The following PCGF1 variants were observed in gnomAD, a reference collection of about 807,000 sequenced individuals.
PCGF1 encodes polycomb group RING finger protein 1.
Under a neutral mutation model 38.8 loss-of-function variants are expected in PCGF1, and 10 were observed. That is an observed-to-expected ratio of 0.26 (90% CI 0.16 to 0.44). PCGF1 has a LOEUF of 0.44. PCGF1 is among the 20% of genes least tolerant of loss of function. PCGF1 has a pLI of 1.00. For synonymous variants in PCGF1, 119 were observed against 121.3 expected (o/e 0.98, Z 0.12); for missense variants, 230 against 331.5 (o/e 0.69, Z 2.38).
Position 74,506,600 on chromosome 2 carries a change from C to T in PCGF1, c.352+132G>A, listed in dbSNP as rs1457198195. On this transcript the variant is annotated intron_variant, in intron 3 of 8. Transcript: ENST00000233630. ...AAGAAAAAAAAGAATAAAGTATTAGCCCTTCCTCACTTTTTGTCCTTCCCT... is the reference window on the plus strand; with the variant it reads ...AAGAAAAAAAAGAATAAAGTATTAGTCCTTCCTCACTTTTTGTCCTTCCCT... 6 of 1,002,636 alleles carry T rather than the reference C, an allele frequency of 6.0e-6. No individual in the cohort carries two copies. The Admixed American group carries it at 6.2e-5, about 10-fold the overall frequency. 62.1% of individuals were successfully genotyped at this position (1,002,636 alleles called of 1,614,324 possible).
In PCGF1 at chr2:74,505,166, T is replaced by C. The variant is rs1293558570; in HGVS notation, c.757A>G (p.Ser253Gly). The C allele has an allele frequency of 1.3e-6, 2 of 1,537,434 alleles. No individual in the cohort carries two copies. Among genetic ancestry groups the C allele is most frequent in the Non-Finnish European group, 1.8e-6 (2 of 1,142,084 alleles). ...CCCTACCTCCTCTTCTCTTTCACAC[T>C]GTATTGTAAAAGCAAAGGGGATGGC... ...GKPSPLLLQY[S>G]VKEKRR Residue 253 changes from serine to glycine, a missense_variant, in exon 9 of 9, where the codon AGT becomes GGT. Around this residue, in one of 3 missense-constraint regions of PCGF1, gnomAD observed 144 missense variants for 182.4 expected, o/e 0.79. Coordinates refer to ENST00000233630, the MANE Select transcript of PCGF1 (RefSeq NM_032673.3).
chr2:74,505,782 T>C lies in PCGF1; in HGVS notation c.531-12A>G, dbSNP rs774298527. On this transcript the variant is annotated splice_polypyrimidine_tract_variant and intron_variant, in intron 5 of 8. Coordinates refer to ENST00000233630, the MANE Select transcript of PCGF1 (RefSeq NM_032673.3). ...TGTCTTTGCCAGAACTGGGGGGAAATAGACACAGGTTAGGGAATCCTATCT... is the reference window on the plus strand; with the variant it reads ...TGTCTTTGCCAGAACTGGGGGGAAACAGACACAGGTTAGGGAATCCTATCT... The C allele has an allele frequency of 1.3e-4, 212 of 1,613,870 alleles. No homozygotes were observed. Among genetic ancestry groups the C allele is most frequent in the Non-Finnish European group, 1.6e-4 (187 of 1,179,960 alleles).
chr2:74,507,324 G>A lies in PCGF1; in HGVS notation c.94-177C>T, dbSNP rs958536611. The A allele has an allele frequency of 4.8e-6, 7 of 1,457,824 alleles. No homozygotes were observed. The Admixed American group carries it at 1.5e-4, about 31-fold the overall frequency. 90.3% of individuals were successfully genotyped at this position (1,457,824 alleles called of 1,614,324 possible). ...CCCCCTCCGCCCAGCAGAGGGCTCCGCGCACAGCGGGGGCTTCCCTCACGT... is the reference window on the plus strand; with the variant it reads ...CCCCCTCCGCCCAGCAGAGGGCTCCACGCACAGCGGGGGCTTCCCTCACGT... On this transcript the variant is annotated intron_variant, in intron 1 of 8. Coordinates refer to ENST00000233630, the MANE Select transcript of PCGF1 (RefSeq NM_032673.3).
Position 74,506,016 on chromosome 2 carries a change from C to A in PCGF1, c.466G>T (p.Asp156Tyr). Residue 156 changes from aspartate to tyrosine, a missense_variant, in exon 5 of 9, where the codon GAC (aspartate) becomes TAC (tyrosine). Asp to Tyr is a radical substitution (Grantham distance 160). This residue lies in a region of PCGF1 where 144 missense variants were observed against 182.4 expected (regional missense o/e 0.79). Transcript: ENST00000233630. ...SNLGLPFSSF[D>Y]HSKAHYYRYD... is the part of the protein sequence containing the mutation. ...CGATAGTAGTGGGCTTTAGAGTGGT[C>A]AAAGCTGCTGAAGGGGAGGCCGAGG... 6.2e-7 allele frequency: 1 copy of A among 1,614,174 alleles called. No individual in the cohort carries two copies. Among genetic ancestry groups the A allele is most frequent in the South Asian group, 1.1e-5 (1 of 91,052 alleles).
At chr2:74,505,481 C>A in intron 7 of PCGF1, 62 bp from the exon 8 acceptor site, 1 of 1,608,588 alleles carries the variant, frequency 6.2e-7, no homozygotes, top group South Asian at 1.1e-5. Context: ...CTACCCTGGT[C>A]CACCCTAGAC....
chr2:74,507,162 T>C lies in PCGF1; in HGVS notation c.94-15A>G. The C allele has an allele frequency of 6.2e-7, 1 of 1,610,970 alleles. No homozygotes were observed. The highest frequency in any genetic ancestry group is 8.5e-7 in the Non-Finnish European group (1 of 1,177,534). On this transcript the variant is annotated splice_polypyrimidine_tract_variant and intron_variant, in intron 1 of 8. Coordinates refer to ENST00000233630, the MANE Select transcript of PCGF1 (RefSeq NM_032673.3). ...CGAACCTCCTCCTGAAGATACACCCTCCGTCACCAATCATCCACCCTCAAA... is the reference window on the plus strand; with the variant it reads ...CGAACCTCCTCCTGAAGATACACCCCCCGTCACCAATCATCCACCCTCAAA...
chr2:74,507,261 C>A, intron 1 of PCGF1, 114 bp from the exon 2 acceptor site: 1 of 1,479,662 alleles, frequency 6.8e-7, no homozygotes. Context: ...CCGCGCCCTG[C>A]GCCATCAGCC....
At position 74,507,627 on chromosome 2, in the gene PCGF1, C is replaced by G; in HGVS notation, c.42G>C (p.Arg14Ser). The G allele has an allele frequency of 6.3e-7, 1 of 1,582,842 alleles. No individual in the cohort carries two copies. Among genetic ancestry groups the G allele is most frequent in the Non-Finnish European group, 8.6e-7 (1 of 1,164,930 alleles). Reference protein sequence around the residue: ...PQGGQIAIAMRLRNQLQSVYK... With the variant: ...PQGGQIAIAMSLRNQLQSVYK... ...ACACTGACTGGAGCTGGTTCCGAAG[C>G]CTCATCGCGATCGCAATCTGGCCCC... Residue 14 changes from arginine to serine, a missense_variant, in exon 1 of 9, where the codon AGG becomes AGC. Arg to Ser is a moderately radical substitution (Grantham distance 110). Around this residue, in one of 3 missense-constraint regions of PCGF1, gnomAD observed 46 missense variants for 35.9 expected, o/e 1.28. Transcript: ENST00000233630.
At chr2:74,507,222 C>G in intron 1 of PCGF1, 75 bp from the exon 2 acceptor site, 1 of 1,529,690 alleles carries the variant, frequency 6.5e-7, no homozygotes, top group Non-Finnish European at 8.9e-7. Flanking sequence ...TTGGGGGTCG[C>G]CTCCTTCATC....
rs1471440250 is a variant in PCGF1, at chr2:74,507,401, C to A, written c.93+175G>T. On this transcript the variant is annotated intron_variant, in intron 1 of 8. Transcript: ENST00000233630. ...GGGAGACTACACAACGTCGGCGACA[C>A]AACGCGCAGGCGTCCTAACCGGAGT... 6.9e-6 allele frequency: 10 copies of A among 1,454,670 alleles called. No individual in the cohort carries two copies. The East Asian group carries it at 2.5e-4, about 36-fold the overall frequency. 90.1% of individuals were successfully genotyped at this position (1,454,670 alleles called of 1,614,324 possible).
At position 74,507,652 on chromosome 2, in the gene PCGF1, C is replaced by A. The variant is rs1424550469; in HGVS notation, c.17G>T (p.Gly6Val). The change falls in exon 1 of 9, where the codon GGG becomes GTG. Residue 6 changes from glycine (G) to valine (V), a missense_variant. Transcript: ENST00000233630. MASPQ[G>V]GQIAIAMRLR... ...CCTCATCGCGATCGCAATCTGGCCC[C>A]CCTGAGGAGACGCCATCTTAAAGGC... The A allele has an allele frequency of 6.4e-7, 1 of 1,565,662 alleles. No homozygotes were observed. Among genetic ancestry groups the A allele is most frequent in the Admixed American group, 1.9e-5 (1 of 52,800 alleles).
At position 74,507,651 on chromosome 2, in the gene PCGF1, C is replaced by A. The variant is rs915177881; in HGVS notation, c.18G>T (p.Gly6=). 4 of 1,566,238 alleles carry A rather than the reference C, an allele frequency of 2.6e-6. No individual in the cohort carries two copies. Among genetic ancestry groups the A allele is most frequent in the African/African-American group, 1.4e-5 (1 of 73,438 alleles). The change falls in exon 1 of 9, where the codon GGG becomes GGT. Residue 6 remains glycine, a synonymous_variant. Transcript: ENST00000233630. MASPQ[G]GQIAIAMRLR... Reference sequence around the variant, plus strand: ...GCCTCATCGCGATCGCAATCTGGCCCCCCTGAGGAGACGCCATCTTAAAGG... The same window carrying A: ...GCCTCATCGCGATCGCAATCTGGCCACCCTGAGGAGACGCCATCTTAAAGG...
chr2:74,506,509 T>A (rs1448272241), intron 3 of PCGF1: 1 of 622,124 alleles, frequency 1.6e-6, no homozygotes, highest in African/African-American at 1.8e-5. Context: ...ATCCAGGAGG[T>A]GGAGCTTGCA....
chr2:74,507,189 C>T (rs1264607034), intron 1 of PCGF1, 42 bp from the exon 2 acceptor site: 3 of 1,593,454 alleles, frequency 1.9e-6, no homozygotes, highest in African/African-American at 2.7e-5. Flanking sequence ...ACCCTCAAAC[C>T]CCAACCCGTG....
intron 1 of PCGF1, chr2:74,507,371 C>A: frequency 6.9e-7 from 1 of 1,452,972 alleles, no homozygotes; most frequent in Non-Finnish European, 9.0e-7. Context: ...ACCCTCCTTT[C>A]CCAGGGGAGA....
rs777054064 is a variant in PCGF1 at position 74,506,858 on chromosome 2, G to A, written c.226C>T (p.Leu76Phe). 6.2e-7 allele frequency: 1 copy of A among 1,614,186 alleles called. No individual in the cohort carries two copies. The change falls in exon 3 of 9, where the codon CTC (leucine) becomes TTC (phenylalanine). Residue 76 changes from leucine (L) to phenylalanine (F), a missense_variant. Coordinates refer to ENST00000233630, the MANE Select transcript of PCGF1 (RefSeq NM_032673.3). ...ATGGGGCAGTACTTGCTAGTTTGGA[G>A]GTACTTCACAATACAACTCTTGCAG... ...TFCKSCIVKY[L>F]QTSKYCPMCN...
At chr2:74,507,383 T>C (rs781776278) in intron 1 of PCGF1, 193 bp downstream of exon 1, 6 of 1,453,648 alleles carry the variant, frequency 4.1e-6, no homozygotes, top group Non-Finnish European at 5.4e-6. Context: ...CAGGGGAGAC[T>C]ACACAACGTC....
intron 3 of PCGF1, 67 bp from the exon 4 acceptor site, chr2:74,506,319 T>C: frequency 2.1e-6 from 3 of 1,458,482 alleles, no homozygotes; most frequent in Non-Finnish European, 2.9e-6. Flanking sequence ...GGCTCACGCC[T>C]GTAATCCCAG....
In PCGF1 at chr2:74,506,601, C is replaced by A. The variant is rs984344318; in HGVS notation, c.352+131G>T. 11 of 1,015,008 alleles carry A rather than the reference C, an allele frequency of 1.1e-5. No homozygotes were observed. In the East Asian group the frequency reaches 2.7e-4, roughly 25 times the overall value. The allele number at this position is 1,015,008 out of a possible 1,614,324, so 62.9% of individuals were successfully genotyped here. On this transcript the variant is annotated intron_variant, in intron 3 of 8. Transcript: ENST00000233630. ...AGAAAAAAAAGAATAAAGTATTAGC[C>A]CTTCCTCACTTTTTGTCCTTCCCTC...
Sources: allele counts gnomAD v4.1 joint callset, GRCh38; gene constraint gnomAD v4.1.1; regional missense constraint gnomAD v4.1.1; transcripts MANE v1.5; gene names NCBI Gene and HGNC (gene_info 2026-07-23, HGNC 2026-07-21).